The following PATZ1 variants were observed in gnomAD, a reference collection of about 807,000 sequenced individuals.
PATZ1 encodes POZ/BTB and AT hook containing zinc finger 1, also known as POZ-, AT hook-, and zinc finger-containing protein 1.
In PATZ1, 9 loss-of-function variants were observed where a neutral mutation model predicts 46.2. The observed-to-expected ratio is 0.19, with a 90% CI of 0.12 to 0.34. PATZ1 has a LOEUF of 0.34. PATZ1 is among the 10% of genes least tolerant of loss of function. The probability of loss-of-function intolerance (pLI) is 1.00; values close to 1 mark genes in which losing one functional copy is unlikely to be tolerated. For missense variants in PATZ1, 632 were observed against 923.0 expected (o/e 0.68, Z 4.08); for synonymous variants, 426 against 378.6 (o/e 1.13, Z -1.45).
chr22:31,328,666 C>T lies in PATZ1; in HGVS notation c.1645+121G>A. 1.2e-6 allele frequency: 1 copy of T among 847,248 alleles called. No individual in the cohort carries two copies. Among genetic ancestry groups the T allele is most frequent in the South Asian group, 1.4e-5 (1 of 69,544 alleles). The allele number at this position is 847,248 out of a possible 1,614,324, so 52.5% of individuals were successfully genotyped here. On this transcript the variant is annotated intron_variant, in intron 4 of 4. Coordinates refer to ENST00000266269, the MANE Select transcript of PATZ1 (RefSeq NM_014323.3). This position sits in a 1 kb window ranked among gnomAD's most constrained non-coding sequence, Gnocchi z 4.8. ...TCCTGGAGGCCACTGCCACTCAGAT[C>T]TCTGAGTCTCCTCAAGGCAGCCAGA...
chr22:31,342,162 C>A (rs2049590744), intron 2 of PATZ1, among the ~76,000 whole-genome samples: 1 of 152,154 alleles, frequency 6.6e-6, no homozygotes. Flanking sequence ...CACAGGAAGG[C>A]TCAGTGGCCA....
chr22:31,341,824 G>T, intron 2 of PATZ1: 1 of 731,560 alleles, frequency 1.4e-6, no homozygotes, highest in Non-Finnish European at 2.2e-6. Context: ...GAGAATCAGA[G>T]ACAGAGAGAG....
In PATZ1 at chr22:31,326,937, A is replaced by G. The variant is rs760197285; in HGVS notation, c.2018T>C (p.Val673Ala). 9 of 1,614,156 alleles carry G rather than the reference A, an allele frequency of 5.6e-6. No homozygotes were observed. In the East Asian group the frequency reaches 2.0e-4, roughly 36 times the overall value. The change falls in exon 5 of 5, where the codon GTA (valine) becomes GCA (alanine). Residue 673 changes from valine (V) to alanine (A), a missense_variant. This residue lies in a region of PATZ1 where 176 missense variants were observed against 249.4 expected (regional missense o/e 0.71). Transcript: ENST00000266269. ...GGGCTGCTGGTCAACCTCAGGATCTACTAAAGATGACGCAAATGCCGACTG... is the reference window on the plus strand; with the variant it reads ...GGGCTGCTGGTCAACCTCAGGATCTGCTAAAGATGACGCAAATGCCGACTG... Reference protein sequence around the residue: ...IVQSAFASSLVDPEVDQQPMG... With the variant: ...IVQSAFASSLADPEVDQQPMG...
At chr22:31,330,239 T>C (rs532084542) in intron 3 of PATZ1, among the ~76,000 whole-genome samples, 19 of 152,198 alleles carry the variant, frequency 1.2e-4, no homozygotes, top group Non-Finnish European at 2.4e-4. Flanking sequence ...CACTATTCTA[T>C]AGAATTTGCC....
intron 1 of PATZ1, 56 bp from the exon 2 acceptor site, chr22:31,343,016 A>G (rs1029897111): frequency 1.9e-6 from 3 of 1,611,736 alleles, no homozygotes; most frequent in African/African-American, 2.7e-5. Flanking sequence ...CCCACCACAC[A>G]GGCACATATG....
Position 31,327,150 on chromosome 22 carries a change from T to C in PATZ1, c.1805A>G (p.Glu602Gly), listed in dbSNP as rs1234716436. 1 of 1,614,122 alleles carries C rather than the reference T, an allele frequency of 6.2e-7. No individual in the cohort carries two copies. Among genetic ancestry groups the C allele is most frequent in the Non-Finnish European group, 8.5e-7 (1 of 1,180,012 alleles). Residue 602 changes from glutamate (E) to glycine (G), a missense_variant, in exon 5 of 5, where the codon GAG (glutamate) becomes GGG (glycine). Glu to Gly is a moderately conservative substitution (Grantham distance 98). Around this residue, in one of 7 missense-constraint regions of PATZ1, gnomAD observed 176 missense variants for 249.4 expected, o/e 0.71. Transcript: ENST00000266269. The surrounding 1 kb of genome is among the most constrained non-coding windows in gnomAD (Gnocchi z 4.2). ...ACATTCAGGGCATGGGTACTTCTTC[T>C]CCCCATCAGACTCCATTTTGTTTTT... ...VPKNKMESDG[E>G]KKYPCPECGS...
intron 3 of PATZ1, among the ~76,000 whole-genome samples, chr22:31,331,541 C>A (rs1248754580): frequency 6.6e-6 from 1 of 152,036 alleles, no homozygotes; most frequent in East Asian, 1.9e-4. Context: ...CGGGGTTTCA[C>A]CATGTTAGCC....
chr22:31,326,712 T>G lies in PATZ1; in HGVS notation c.*179A>C. ...TTCTGCAGAATATCAGATGAAAATC[T>G]ATTTCTAAAGACCATTGGGAGAATG... On this transcript the variant is annotated 3_prime_UTR_variant, in exon 5 of 5. Coordinates refer to ENST00000266269, the MANE Select transcript of PATZ1 (RefSeq NM_014323.3). The G allele has an allele frequency of 1.7e-6, 1 of 593,472 alleles. No individual in the cohort carries two copies. The highest frequency in any genetic ancestry group is 2.9e-6 in the Non-Finnish European group (1 of 339,494). 36.8% of individuals were successfully genotyped at this position (593,472 alleles called of 1,614,324 possible).
intron 3 of PATZ1, among the ~76,000 whole-genome samples, chr22:31,334,029 T>G (rs905434291): frequency 6.6e-6 from 1 of 152,218 alleles, no homozygotes; most frequent in African/African-American, 2.4e-5. Flanking sequence ...CTCAGCAGTT[T>G]TCAACCTCTG....
At chr22:31,343,014 AC>A (rs998180760) in intron 1 of PATZ1, 54 bp from the exon 2 acceptor site, 2 of 1,611,952 alleles carry the variant, frequency 1.2e-6, no homozygotes, top group African/African-American at 2.7e-5. Flanking sequence ...ACCCCACCAC[AC>A]AGGCACATAT....
At chr22:31,337,154 GT>G (rs1230947144) in intron 2 of PATZ1, among the ~76,000 whole-genome samples, 4 of 152,162 alleles carry the variant, frequency 2.6e-5, no homozygotes, top group Admixed American at 2.6e-4. Flanking sequence ...GGAAGTGCTG[GT>G]GACAGCAAGG....
chr22:31,343,341 T>A, intron 1 of PATZ1: 1 of 994,364 alleles, frequency 1.0e-6, no homozygotes, highest in Non-Finnish European at 1.2e-6. Context: ...TAAAGCCCCT[T>A]AGAAACTCAG....
intron 2 of PATZ1, among the ~76,000 whole-genome samples, chr22:31,338,864 TG>T (rs1178539169): frequency 6.6e-6 from 1 of 152,110 alleles, no homozygotes; most frequent in African/African-American, 2.4e-5. Context: ...CTGGCCAATA[TG>T]GTGAAACCCC....
At position 31,328,690 on chromosome 22, in the gene PATZ1, G is replaced by GA. The variant is rs888129760; in HGVS notation, c.1645+96dup. The stretch of plus-strand genomic sequence containing the variant: ...TCTCTGAGTCTCCTCAAGGCAGCCA[G>GA]AAAGCCGGCAGCCTTCCCGCCTCCC... On this transcript the variant is annotated intron_variant, in intron 4 of 4. Transcript: ENST00000266269. The surrounding 1 kb of genome is among the most constrained non-coding windows in gnomAD (Gnocchi z 4.8). 1 of 1,152,602 alleles carries GA rather than the reference G, an allele frequency of 8.7e-7. No individual in the cohort carries two copies. Among genetic ancestry groups the GA allele is most frequent in the African/African-American group, 1.5e-5 (1 of 65,956 alleles). The allele number at this position is 1,152,602 out of a possible 1,614,324, so 71.4% of individuals were successfully genotyped here. A position where few individuals can be genotyped will look rare whatever the true frequency, so the allele number is the denominator to read the frequency against.
At chr22:31,339,869 C>T (rs1020710115) in intron 2 of PATZ1, among the ~76,000 whole-genome samples, 6 of 152,196 alleles carry the variant, frequency 3.9e-5, no homozygotes, top group African/African-American at 1.4e-4. Flanking sequence ...AGTGCACACC[C>T]CCACCCTTAG....
At chr22:31,333,941 G>A (rs2049477107) in intron 3 of PATZ1, among the ~76,000 whole-genome samples, 1 of 152,128 alleles carries the variant, frequency 6.6e-6, no homozygotes, top group Non-Finnish European at 1.5e-5. Context: ...CTGTAGCCCT[G>A]GGTCTCCTGT....
intron 2 of PATZ1, among the ~76,000 whole-genome samples, chr22:31,339,770 A>G (rs2049557106): frequency 6.6e-6 from 1 of 152,200 alleles, no homozygotes; most frequent in Non-Finnish European, 1.5e-5. Flanking sequence ...ACTGAGCCCC[A>G]GTCCTGCTCC....
chr22:31,343,950 C>T (rs1410680210), intron 1 of PATZ1, among the ~76,000 whole-genome samples: 5 of 151,860 alleles, frequency 3.3e-5, no homozygotes, highest in African/African-American at 9.7e-5. Flanking sequence ...GTACCTCCCT[C>T]GGCAGCCATT....
At chr22:31,343,260 G>A (rs1569029065) in intron 1 of PATZ1, 2 of 1,139,636 alleles carry the variant, frequency 1.8e-6, no homozygotes, top group Non-Finnish European at 2.2e-6. Context: ...CAGAGGCGGT[G>A]GCAGTAGAAT....
Sources: gnomAD v4.1 joint callset for allele counts (sites outside exome capture counted in the v4.1 genomes callset) on GRCh38, gnomAD v4.1.1 for gene constraint, gnomAD v4.1.1 regional missense constraint, Gnocchi (gnomAD v3.1) non-coding constraint, MANE v1.5 for transcripts, NCBI Gene and HGNC (gene_info 2026-07-23, HGNC 2026-07-21) for gene names.